UNC79: variants seen among roughly 807,000 people sequenced by gnomAD.
UNC79 encodes the protein protein unc-79 homolog.
A neutral mutation model predicts 283.1 loss-of-function variants in UNC79; 37 were observed. That is an observed-to-expected ratio of 0.13 (90% CI 0.10 to 0.17). The LOEUF (loss-of-function observed/expected upper bound fraction) is 0.17. Ranked by LOEUF, UNC79 falls within the 10% of genes least tolerant of loss-of-function variation. The pLI, the probability that UNC79 is intolerant of heterozygous loss-of-function variation, is 1.00. For missense variants in UNC79, 2,272 were observed against 3,211.1 expected, an observed-to-expected ratio of 0.71 and a Z score of 7.07; for synonymous variants, 1,107 against 1,200.2, an observed-to-expected ratio of 0.92 and a Z score of 1.61.
intron 47 of UNC79, among the ~76,000 whole-genome samples, chr14:93,702,898 C>A (rs2075631373): frequency 2.0e-5 from 3 of 152,244 alleles, no homozygotes; most frequent in Admixed American, 1.3e-4. Context: ...CCATTCCCTG[C>A]CTCCTTCTTC....
At chr14:93,555,199 A>T (rs1375693074) in intron 14 of UNC79, among the ~76,000 whole-genome samples, 2 of 152,250 alleles carry the variant, frequency 1.3e-5, no homozygotes, top group Non-Finnish European at 2.9e-5. Flanking sequence ...TACTAAAGCC[A>T]TGTGAACTAA....
At chr14:93,526,473 A>G (rs1894431253) in intron 8 of UNC79, among the ~76,000 whole-genome samples, 2 of 152,206 alleles carry the variant, frequency 1.3e-5, no homozygotes, top group Admixed American at 1.3e-4. Context: ...ACAATCAGTA[A>G]TACTTATCAG....
intron 41 of UNC79, among the ~76,000 whole-genome samples, chr14:93,678,191 ACTTT>A (rs1224999070): frequency 7.2e-5 from 11 of 152,162 alleles, no homozygotes; most frequent in Non-Finnish European, 1.5e-4. Flanking sequence ...GCAGACAGTG[ACTTT>A]CTTTATGTAT....
chr14:93,700,807 T>A (rs1273723645), intron 47 of UNC79, among the ~76,000 whole-genome samples: 1 of 152,214 alleles, frequency 6.6e-6, no homozygotes, highest in Non-Finnish European at 1.5e-5. Flanking sequence ...TGATGTTCTA[T>A]GAGTTATAAG....
intron 20 of UNC79, among the ~76,000 whole-genome samples, chr14:93,585,145 T>G: frequency 6.6e-6 from 1 of 152,230 alleles, no homozygotes; most frequent in Non-Finnish European, 1.5e-5. Context: ...TCCGCTGTCT[T>G]GCAGGATGCA....
intron 1 of UNC79, chr14:93,347,416 A>AT (rs1179487033): frequency 1.4e-6 from 2 of 1,472,928 alleles, no homozygotes; most frequent in African/African-American, 2.9e-5. Context: ...CCCAGCCATC[A>AT]TGGTGGGCGG....
intron 22 of UNC79, among the ~76,000 whole-genome samples, chr14:93,592,244 G>A (rs1220482736): frequency 4.2e-5 from 6 of 141,638 alleles, no homozygotes; most frequent in African/African-American, 8.0e-5. Context: ...GCTCAATCTC[G>A]GTTCACTGCA....
chr14:93,527,643 G>A (rs1162465260), intron 8 of UNC79, among the ~76,000 whole-genome samples: 1 of 152,086 alleles, frequency 6.6e-6, no homozygotes, highest in Non-Finnish European at 1.5e-5. Flanking sequence ...TCAAATTTGT[G>A]AGAACAACTA....
chr14:93,664,387 G>A (rs1453471064), intron 40 of UNC79, among the ~76,000 whole-genome samples: 4 of 152,132 alleles, frequency 2.6e-5, no homozygotes, highest in East Asian at 1.9e-4. Context: ...AAAATGAAGC[G>A]GGATTGACAA....
At chr14:93,416,469 G>T (rs1253690684) in intron 1 of UNC79, among the ~76,000 whole-genome samples, 2 of 152,010 alleles carry the variant, frequency 1.3e-5, no homozygotes, top group Admixed American at 6.6e-5. Context: ...AATAGGTGTG[G>T]TGTGGTGCTG....
At chr14:93,380,738 AT>A (rs2054649563) in intron 1 of UNC79, among the ~76,000 whole-genome samples, 1 of 152,202 alleles carries the variant, frequency 6.6e-6, no homozygotes, top group Non-Finnish European at 1.5e-5. Context: ...GTTGGATTGA[AT>A]GAAAGATGCT....
intron 47 of UNC79, among the ~76,000 whole-genome samples, chr14:93,704,003 T>C (rs2075706710): frequency 6.6e-6 from 1 of 152,050 alleles, no homozygotes; most frequent in African/African-American, 2.4e-5. Context: ...ACCTATGACC[T>C]CCTCCCAGGA....
At chr14:93,659,122 A>G in intron 38 of UNC79, 71 bp from the exon 42 acceptor site, 8 of 1,266,150 alleles carry the variant, frequency 6.3e-6, no homozygotes, top group Non-Finnish European at 8.8e-6. Flanking sequence ...AAATGCTTTC[A>G]GAACATATTT....
chr14:93,347,898 T>A, intron 1 of UNC79: 1 of 582,782 alleles, frequency 1.7e-6, no homozygotes, highest in Non-Finnish European at 3.1e-6. Context: ...CATTTTAGAT[T>A]TCACTAGGCG....
At chr14:93,493,749 C>T (rs2058850379) in intron 5 of UNC79, among the ~76,000 whole-genome samples, 1 of 151,304 alleles carries the variant, frequency 6.6e-6, no homozygotes, top group Non-Finnish European at 1.5e-5. Flanking sequence ...GTAGGCTGTA[C>T]AGGAAGCATA....
At chr14:93,428,233 A>G (rs1333645599), upstream of UNC79, among the ~76,000 whole-genome samples, 1 of 152,214 alleles carries the variant, frequency 6.6e-6, no homozygotes, top group African/African-American at 2.4e-5. Flanking sequence ...TTTGAGGATG[A>G]AAAATTTATG....
chr14:93,381,355 G>T (rs1246983176), intron 1 of UNC79, among the ~76,000 whole-genome samples: 1 of 152,176 alleles, frequency 6.6e-6, no homozygotes, highest in African/African-American at 2.4e-5. Flanking sequence ...TCATTTAAAG[G>T]CTAGTGAGAG....
chr14:93,646,713 A>G, intron 35 of UNC79, 67 bp downstream of exon 38: 1 of 1,569,962 alleles, frequency 6.4e-7, no homozygotes, highest in Non-Finnish European at 8.7e-7. Flanking sequence ...TCCTGTTTCT[A>G]AAACACCAGT....
intron 44 of UNC79, chr14:93,689,236 C>T (rs1182235229): frequency 5.6e-6 from 1 of 178,456 alleles, no homozygotes; most frequent in Admixed American, 6.1e-5. Flanking sequence ...CAAGATTGTA[C>T]AAGCCCCTGG....
Sources: gnomAD v4.1 joint callset for allele counts (sites outside exome capture counted in the v4.1 genomes callset) on GRCh38, gnomAD v4.1.1 for gene constraint, MANE v1.5 for transcripts, NCBI Gene and HGNC (gene_info 2026-07-23, HGNC 2026-07-21) for gene names.